Variants in XRN1 observed in about 807,000 individuals in gnomAD.
XRN1 encodes 5'-3' exoribonuclease 1.
A neutral mutation model predicts 222.3 loss-of-function variants in XRN1; 67 were observed. The ratio of observed to expected loss-of-function variants is 0.30; its 90% CI spans 0.25 to 0.37. The LOEUF is 0.37. Ranked by LOEUF, XRN1 falls within the 10% of genes least tolerant of loss-of-function variation. XRN1 has a pLI of 1.00. For synonymous variants in XRN1, 643 were observed against 652.4 expected (o/e 0.99, Z 0.22); for missense variants, 1,707 against 2,000.2 (o/e 0.85, Z 2.80).
chr3:142,367,877 T>G (rs1432133856), intron 27 of XRN1, among the ~76,000 whole-genome samples: 3 of 151,952 alleles, frequency 2.0e-5, no homozygotes. Context: ...AAAGTTTAAA[T>G]GATCTTCAGA....
chr3:142,438,755 C>T (rs2070049816), intron 1 of XRN1, among the ~76,000 whole-genome samples: 1 of 152,174 alleles, frequency 6.6e-6, no homozygotes, highest in African/African-American at 2.4e-5. Context: ...TAACACCATC[C>T]TACAGCTAGA....
At chr3:142,442,581 C>T (rs1162707945) in intron 1 of XRN1, among the ~76,000 whole-genome samples, 1 of 152,188 alleles carries the variant, frequency 6.6e-6, no homozygotes, top group East Asian at 1.9e-4. Context: ...CCAAACCTTT[C>T]ACTTAGGCAT....
intron 2 of XRN1, among the ~76,000 whole-genome samples, chr3:142,431,238 A>G (rs1302851141): frequency 6.6e-6 from 1 of 152,228 alleles, no homozygotes; most frequent in Non-Finnish European, 1.5e-5. Flanking sequence ...AGAAAACAAA[A>G]GTGTGACTTT....
At chr3:142,430,003 T>C (rs1410963215) in intron 2 of XRN1, among the ~76,000 whole-genome samples, 3 of 152,178 alleles carry the variant, frequency 2.0e-5, no homozygotes, top group Non-Finnish European at 4.4e-5. Context: ...GCTTCCTAAT[T>C]GCTGAATTGT....
Position 142,404,996 on chromosome 3 carries a change from GCACT to G in XRN1, c.1790_1793del (p.Glu597AlafsTer2). ...TGTCTCTATCATACCAGCACATTAG[GCACT>G]CACTATGTTGGTTTCTTTTCCTCTC... On this transcript the variant is annotated frameshift_variant, in exon 16 of 41. Coordinates refer to ENST00000392981, the MANE Select transcript of XRN1 (RefSeq NM_001282857.2). LOFTEE classifies it high-confidence loss of function. 1 of 1,613,836 alleles carries G rather than the reference GCACT, an allele frequency of 6.2e-7. No individual in the cohort carries two copies. The highest frequency in any genetic ancestry group is 8.5e-7 in the Non-Finnish European group (1 of 1,179,776).
chr3:142,324,908 A>G (rs975824697), intron 37 of XRN1, among the ~76,000 whole-genome samples: 1 of 151,840 alleles, frequency 6.6e-6, no homozygotes, highest in African/African-American at 2.4e-5. Flanking sequence ...TGAGAAGTGT[A>G]TATCTTGAGA....
chr3:142,347,179 T>C, intron 33 of XRN1, 55 bp downstream of exon 33: 1 of 1,190,330 alleles, frequency 8.4e-7, no homozygotes, highest in Non-Finnish European at 1.2e-6. Context: ...AAAATGTTTA[T>C]TTTTTTAAAA....
At chr3:142,439,429 A>G (rs1217781406) in intron 1 of XRN1, among the ~76,000 whole-genome samples, 1 of 152,222 alleles carries the variant, frequency 6.6e-6, no homozygotes, top group Non-Finnish European at 1.5e-5. Context: ...CTTGCGTGCT[A>G]GAAGGACTAA....
At chr3:142,356,283 C>T (rs543568211) in intron 31 of XRN1, among the ~76,000 whole-genome samples, 10 of 152,150 alleles carry the variant, frequency 6.6e-5, no homozygotes, top group African/African-American at 2.4e-4. Flanking sequence ...CAGTGGTAAC[C>T]TATGAGATTT....
At chr3:142,324,542 G>A (rs780336223) in intron 37 of XRN1, among the ~76,000 whole-genome samples, 36 of 149,766 alleles carry the variant, frequency 2.4e-4, no homozygotes, top group Non-Finnish European at 5.2e-4. Context: ...TGTGAATACT[G>A]CTGCAATAAA....
intron 39 of XRN1, among the ~76,000 whole-genome samples, chr3:142,315,805 G>A (rs1398379153): frequency 6.6e-6 from 1 of 152,094 alleles, no homozygotes; most frequent in Non-Finnish European, 1.5e-5. Flanking sequence ...GTGAGCCACT[G>A]CGCCCGGCCT....
chr3:142,417,104 A>G, intron 13 of XRN1, 36 bp downstream of exon 13: 1 of 1,532,210 alleles, frequency 6.5e-7, no homozygotes, highest in Admixed American at 1.7e-5. Flanking sequence ...ATCATTATAA[A>G]AAGACAAAAC....
At chr3:142,434,910 T>G (rs999600844) in intron 1 of XRN1, 3 of 152,162 alleles carry the variant, frequency 2.0e-5, no homozygotes, top group Non-Finnish European at 2.9e-5. Context: ...AAAATTTTAC[T>G]GTAAGAAATG....
At chr3:142,369,130 A>C (rs535160013) in intron 27 of XRN1, among the ~76,000 whole-genome samples, 11 of 152,218 alleles carry the variant, frequency 7.2e-5, no homozygotes, top group Non-Finnish European at 1.2e-4. Flanking sequence ...GAACAAGAGA[A>C]TGCTGTGTTG....
chr3:142,422,320 G>A (rs1440484954), intron 8 of XRN1, among the ~76,000 whole-genome samples: 6 of 151,852 alleles, frequency 4.0e-5, no homozygotes, highest in South Asian at 2.1e-4. Flanking sequence ...GCAAGACCCC[G>A]TCTCAAAAAA....
At chr3:142,320,686 G>A (rs1391767655) in intron 37 of XRN1, among the ~76,000 whole-genome samples, 1 of 151,990 alleles carries the variant, frequency 6.6e-6, no homozygotes, top group South Asian at 2.1e-4. Context: ...ATTGTTTCAG[G>A]TCTTACATTT....
At chr3:142,409,445 T>C (rs191611833) in intron 15 of XRN1, among the ~76,000 whole-genome samples, 3 of 152,360 alleles carry the variant, frequency 2.0e-5, no homozygotes, top group Non-Finnish European at 4.4e-5. Context: ...ACTCACTGAA[T>C]GCTTTGGTGC....
chr3:142,420,927 C>G, intron 10 of XRN1, 89 bp downstream of exon 10: 1 of 1,560,866 alleles, frequency 6.4e-7, no homozygotes, highest in Non-Finnish European at 8.8e-7. Flanking sequence ...GAGGCAATCC[C>G]AAATCATAAG....
At chr3:142,361,614 CTT>C (rs2066632561) in intron 29 of XRN1, among the ~76,000 whole-genome samples, 1 of 152,154 alleles carries the variant, frequency 6.6e-6, no homozygotes, top group Non-Finnish European at 1.5e-5. Context: ...TATAATCACT[CTT>C]TTAAATTCAA....
Sources: gnomAD v4.1 joint callset for allele counts (sites outside exome capture counted in the v4.1 genomes callset) on GRCh38, gnomAD v4.1.1 for gene constraint, MANE v1.5 for transcripts, NCBI Gene and HGNC (gene_info 2026-07-23, HGNC 2026-07-21) for gene names.